The following GGA3 variants were observed in gnomAD, a reference collection of about 807,000 sequenced individuals.
GGA3 encodes golgi associated, gamma adaptin ear containing, ARF binding protein 3.
A neutral mutation model predicts 77.5 loss-of-function variants in GGA3; 57 were observed. That is an observed-to-expected ratio of 0.74 (90% confidence interval 0.59 to 0.92). The LOEUF (loss-of-function observed/expected upper bound fraction) is 0.92. Ranked by LOEUF, GGA3 falls within the 40% of genes least tolerant of loss-of-function variation. GGA3 has a pLI of 0.00. For missense variants in GGA3, 970 were observed against 914.9 expected (o/e 1.06, Z -0.78); for synonymous variants, 416 against 383.7 (o/e 1.08, Z -0.98).
intron 1 of GGA3, among the ~76,000 whole-genome samples, chr17:75,259,522 C>T (rs953840783): frequency 2.6e-5 from 4 of 152,018 alleles, no homozygotes; most frequent in African/African-American, 4.8e-5. Flanking sequence ...AGCAGGAAAA[C>T]GTAGAAGCCA....
rs781589876 is a variant in GGA3, at chr17:75,240,322, C to CA, written c.1263+19dup. The CA allele has an allele frequency of 1.1e-5, 17 of 1,542,594 alleles. No individual in the cohort carries two copies. The highest frequency in any genetic ancestry group is 1.5e-5 in the Non-Finnish European group (17 of 1,128,478). On this transcript the variant is annotated intron_variant, in intron 12 of 16. Transcript: ENST00000537686. ...GAGGTCCTTGGCACAGTAGTGCTGT[C>CA]ACCGATCCTGTGCCCCTACCTGGAG... is the stretch of plus-strand genomic sequence containing the variant.
chr17:75,239,952 C>T lies in GGA3; in HGVS notation c.1420G>A (p.Val474Ile), dbSNP rs374065325. The T allele has an allele frequency of 5.4e-5, 85 of 1,579,276 alleles. No homozygotes were observed. The African/African-American group carries it at 1.1e-3, about 20-fold the overall frequency. ...PFPAPVVPAS[V>I]PAPSAGSSLF... Reference sequence around the variant, plus strand: ...GAGGAGCCCGCACTGGGGGCAGGAACACTGGCTGGGACCACAGGAGCTGGG... The same window carrying T: ...GAGGAGCCCGCACTGGGGGCAGGAATACTGGCTGGGACCACAGGAGCTGGG... The change falls in exon 13 of 17, where the codon GTT becomes ATT. Residue 474 changes from valine to isoleucine, a missense_variant. Val to Ile is a conservative substitution (Grantham distance 29, BLOSUM62 3). Transcript: ENST00000537686.
Position 75,239,509 on chromosome 17 carries a change from G to A in GGA3, c.1646C>T (p.Pro549Leu), listed in dbSNP as rs2076450405. The A allele has an allele frequency of 6.4e-7, 1 of 1,573,336 alleles. No homozygotes were observed. Among genetic ancestry groups the A allele is most frequent in the Non-Finnish European group, 8.6e-7 (1 of 1,163,752 alleles). Residue 549 changes from proline to leucine, a missense_variant, in exon 14 of 17, where the codon CCC becomes CTC. Coordinates refer to ENST00000537686, the MANE Select transcript of GGA3 (RefSeq NM_138619.4). Reference sequence around the variant, plus strand: ...GGGCCCCGTGGAGAAGGGCAGGAGGGGCCTGGCTGGGGTGGTGGTGGGGAT... The same window carrying A: ...GGGCCCCGTGGAGAAGGGCAGGAGGAGCCTGGCTGGGGTGGTGGTGGGGAT... ...PLIPTTTPAR[P>L]LLPFSTGPGS...
At chr17:75,243,663 G>C in intron 4 of GGA3, 93 bp from the exon 5 acceptor site, 1 of 1,281,354 alleles carries the variant, frequency 7.8e-7, no homozygotes, top group Non-Finnish European at 1.1e-6. Flanking sequence ...TGGCTGCTCA[G>C]CAGCTATGGT....
intron 1 of GGA3, among the ~76,000 whole-genome samples, chr17:75,250,732 A>C (rs1316909646): frequency 7.1e-6 from 1 of 141,742 alleles, no homozygotes; most frequent in Admixed American, 7.5e-5. Flanking sequence ...ACTGCACTCC[A>C]GCCTGGGCAA....
At chr17:75,249,282 C>G (rs2076879038) in intron 1 of GGA3, among the ~76,000 whole-genome samples, 2 of 152,106 alleles carry the variant, frequency 1.3e-5, no homozygotes, top group African/African-American at 4.8e-5. Context: ...GTAAGGAGGT[C>G]AAGACCAGCC....
chr17:75,262,026 G>A, upstream of GGA3: 1 of 1,597,974 alleles, frequency 6.3e-7, no homozygotes, highest in Middle Eastern at 1.7e-4. Flanking sequence ...CTGCGAGGAA[G>A]GAAGGGGGCC....
At position 75,238,742 on chromosome 17, in the gene GGA3, C is replaced by T. The variant is rs753140089; in HGVS notation, c.1971G>A (p.Gln657=). 55 of 1,613,446 alleles carry T rather than the reference C, an allele frequency of 3.4e-5. No homozygotes were observed. Among genetic ancestry groups the T allele is most frequent in the Middle Eastern group, 3.3e-4 (2 of 6,078 alleles). The change falls in exon 16 of 17, where the codon CAG becomes CAA. Residue 657 remains glutamine (Q), a synonymous_variant. Transcript: ENST00000537686. ...GAGAGAGTTCTGTCCCAGAAGGTGG[C>T]TGCAACTTCACTTTCATTGACTAAA... is the stretch of plus-strand genomic sequence containing the variant. The part of the protein sequence containing the change: ...AVPKSMKVKL[Q]PPSGTELSPF...
chr17:75,257,280 C>CT (rs1555591602), intron 1 of GGA3, among the ~76,000 whole-genome samples: 1 of 13,382 alleles, frequency 7.5e-5, no homozygotes, highest in Non-Finnish European at 1.5e-4. Context: ...TAGACTGTGC[C>CT]CCCCCCCCCA....
chr17:75,252,620 T>C (rs185326100), intron 1 of GGA3, among the ~76,000 whole-genome samples: 17 of 152,280 alleles, frequency 1.1e-4, no homozygotes, highest in East Asian at 3.9e-4. Flanking sequence ...AAAGTCCCTA[T>C]TGTCAGGCCT....
At chr17:75,257,664 C>T (rs368126059) in intron 1 of GGA3, among the ~76,000 whole-genome samples, 2 of 152,146 alleles carry the variant, frequency 1.3e-5, no homozygotes, top group East Asian at 1.9e-4. Context: ...TTTCTTCTAA[C>T]ATCCCCACAA....
chr17:75,240,377 C>G lies in GGA3; in HGVS notation c.1228G>C (p.Glu410Gln). The change falls in exon 12 of 17, where the codon GAG becomes CAG. Residue 410 changes from glutamate (E) to glutamine (Q), a missense_variant. Physicochemically the swap from Glu to Gln is conservative, Grantham distance 29. Transcript: ENST00000537686. ...TGCCACTGGCTGTTCCCAGCTGACTCTTTGGGAGGAACATTAGGGGCTGGG... is the reference window on the plus strand; with the variant it reads ...TGCCACTGGCTGTTCCCAGCTGACTGTTTGGGAGGAACATTAGGGGCTGGG... Reference protein sequence around the residue: ...ADPAPNVPPKESAGNSQWHLL... With the variant: ...ADPAPNVPPKQSAGNSQWHLL... 3.1e-6 allele frequency: 5 copies of G among 1,601,290 alleles called. No individual in the cohort carries two copies. The highest frequency in any genetic ancestry group is 4.3e-6 in the Non-Finnish European group (5 of 1,174,932).
chr17:75,238,168 T>A lies in GGA3; in HGVS notation c.*111A>T, dbSNP rs1249753538. The A allele has an allele frequency of 1.1e-5, 16 of 1,500,730 alleles. No individual in the cohort carries two copies. The Admixed American group carries it at 3.5e-4, about 33-fold the overall frequency. The allele number at this position is 1,500,730 out of a possible 1,614,324, so 93.0% of individuals were successfully genotyped here. On this transcript the variant is annotated 3_prime_UTR_variant, in exon 17 of 17. Coordinates refer to ENST00000537686, the MANE Select transcript of GGA3 (RefSeq NM_138619.4). ...AAATGCCCAGGGCCCCTGTTCCACA[T>A]CAAAGCTACAAGCACTGTTGTCAGG... is the stretch of plus-strand genomic sequence containing the variant.
At chr17:75,260,848 T>G (rs930832780) in intron 1 of GGA3, among the ~76,000 whole-genome samples, 17 of 151,888 alleles carry the variant, frequency 1.1e-4, no homozygotes, top group Non-Finnish European at 2.4e-4. Flanking sequence ...CTTCAGACTG[T>G]GCTCCTCAGC....
At chr17:75,260,923 TG>T (rs751199086) in intron 1 of GGA3, among the ~76,000 whole-genome samples, 7 of 150,316 alleles carry the variant, frequency 4.7e-5, no homozygotes, top group African/African-American at 9.8e-5. Flanking sequence ...TGTATGTGTG[TG>T]GGGGGGGAAT....
At chr17:75,243,000 C>G in intron 6 of GGA3, 63 bp downstream of exon 6, 1 of 1,499,252 alleles carries the variant, frequency 6.7e-7, no homozygotes, top group Admixed American at 1.7e-5. Context: ...ACAGTGCAAA[C>G]CACATTCCCC....
In GGA3 at chr17:75,238,080, A is replaced by G; in HGVS notation, c.*199T>C. 1.4e-6 allele frequency: 2 copies of G among 1,387,832 alleles called. No individual in the cohort carries two copies. The highest frequency in any genetic ancestry group is 1.9e-6 in the Non-Finnish European group (2 of 1,074,170). The allele number at this position is 1,387,832 out of a possible 1,614,324, so 86.0% of individuals were successfully genotyped here. On this transcript the variant is annotated 3_prime_UTR_variant, in exon 17 of 17. Coordinates refer to ENST00000537686, the MANE Select transcript of GGA3 (RefSeq NM_138619.4). ...GCCACTTCAAGTCACACAGGTAGATAAAAACAGGTCCTTTTAGGGGCCAAA... is the reference window on the plus strand; with the variant it reads ...GCCACTTCAAGTCACACAGGTAGATGAAAACAGGTCCTTTTAGGGGCCAAA...
rs899899561 is a variant in GGA3 at position 75,242,761 on chromosome 17, G to A, written c.609+70C>T. On this transcript the variant is annotated intron_variant, in intron 7 of 16. Transcript: ENST00000537686. Reference sequence around the variant, plus strand: ...GAGAACAAAACAGGCCCGTGTCCGGGGCAAAGCGGCTTCTGCTGTGTGGCC... The same window carrying A: ...GAGAACAAAACAGGCCCGTGTCCGGAGCAAAGCGGCTTCTGCTGTGTGGCC... 1.8e-5 allele frequency: 23 copies of A among 1,297,542 alleles called. 1 individual carries two copies. In the Middle Eastern group the frequency reaches 7.1e-4, roughly 40 times the overall value. The allele number at this position is 1,297,542 out of a possible 1,614,324, so 80.4% of individuals were successfully genotyped here.
At position 75,237,669 on chromosome 17, in the gene GGA3, A is replaced by G; in HGVS notation, c.*610T>C. The G allele has an allele frequency of 6.7e-7, 1 of 1,485,890 alleles. No individual in the cohort carries two copies. Among genetic ancestry groups the G allele is most frequent in the Non-Finnish European group, 8.9e-7 (1 of 1,119,330 alleles). The allele number at this position is 1,485,890 out of a possible 1,614,324, so 92.0% of individuals were successfully genotyped here. On this transcript the variant is annotated 3_prime_UTR_variant, in exon 17 of 17. Coordinates refer to ENST00000537686, the MANE Select transcript of GGA3 (RefSeq NM_138619.4). ...ACTGCCAGGGACAAGCACACAACTC[A>G]TCACTCCGTGGCCATTCCAGGACGA...
Sources: allele counts gnomAD v4.1 joint callset (sites outside exome capture counted in the v4.1 genomes callset), GRCh38; gene constraint gnomAD v4.1.1; transcripts MANE v1.5; gene names NCBI Gene and HGNC (gene_info 2026-07-23, HGNC 2026-07-21).